LGSN: variants seen among roughly 807,000 people sequenced by gnomAD.
LGSN encodes the protein lengsin, lens protein with glutamine synthetase domain, also known as lengsin.
Under a neutral mutation model 19.5 loss-of-function variants are expected in LGSN, and 21 were observed. That is an observed-to-expected ratio of 1.07 (90% CI 0.76 to 1.55). LGSN has a LOEUF of 1.55. Ranked by LOEUF, LGSN falls within the 40% of genes most tolerant of loss-of-function variation. The pLI, the probability that LGSN is intolerant of heterozygous loss-of-function variation, is 0.00. For missense variants in LGSN, 673 were observed against 608.5 expected, an observed-to-expected ratio of 1.11 and a Z score of -1.12; for synonymous variants, 257 against 215.6, an observed-to-expected ratio of 1.19 and a Z score of -1.68.
the LGSN span, among the ~76,000 whole-genome samples, chr6:63,498,357 A>T: frequency 6.9e-6 from 1 of 145,778 alleles, no homozygotes; most frequent in Non-Finnish European, 1.5e-5. Context: ...TTTCAGTTTT[A>T]AAAAAACCTG....
the LGSN span, among the ~76,000 whole-genome samples, chr6:63,495,000 T>C: frequency 6.6e-6 from 1 of 152,192 alleles, no homozygotes; most frequent in South Asian, 2.1e-4. Context: ...ATGCATTTTA[T>C]GCCTTTGAGG....
chr6:63,346,325 A>G, the LGSN span, among the ~76,000 whole-genome samples: 1 of 151,954 alleles, frequency 6.6e-6, no homozygotes, highest in South Asian at 2.1e-4. Context: ...GAAAGAGGAG[A>G]AAAGCTGGAC....
At chr6:63,401,853 ACC>A in the LGSN span, among the ~76,000 whole-genome samples, 1 of 152,248 alleles carries the variant, frequency 6.6e-6, no homozygotes, top group South Asian at 2.1e-4. Flanking sequence ...CAGATGGCAT[ACC>A]CAAAGGTTTA....
At chr6:63,569,832 G>A in the LGSN span, among the ~76,000 whole-genome samples, 1 of 152,156 alleles carries the variant, frequency 6.6e-6, no homozygotes, top group East Asian at 1.9e-4. Context: ...GTCTGTTAGA[G>A]ACCCACTTTA....
At chr6:63,525,618 G>C in the LGSN span, among the ~76,000 whole-genome samples, 1 of 152,126 alleles carries the variant, frequency 6.6e-6, no homozygotes, top group Non-Finnish European at 1.5e-5. Context: ...GTGCCATCCA[G>C]GCAGCTTCCT....
At chr6:63,304,197 ACAGAACAT>A (rs1011855933) in intron 1 of LGSN, among the ~76,000 whole-genome samples, 1 of 152,250 alleles carries the variant, frequency 6.6e-6, no homozygotes, top group African/African-American at 2.4e-5. Flanking sequence ...TCAGTCAGAA[ACAGAACAT>A]CAGTCCACTT....
the LGSN span, among the ~76,000 whole-genome samples, chr6:63,446,017 G>A: frequency 6.6e-6 from 1 of 152,084 alleles, no homozygotes; most frequent in African/African-American, 2.4e-5. Context: ...GGAAGGCTGA[G>A]GCAGGCAGGT....
At chr6:63,359,999 C>T in the LGSN span, among the ~76,000 whole-genome samples, 5 of 152,220 alleles carry the variant, frequency 3.3e-5, no homozygotes. Flanking sequence ...CCCCCACTCT[C>T]TTCTGGATTG....
chr6:63,490,481 G>A, the LGSN span, among the ~76,000 whole-genome samples: 42 of 152,176 alleles, frequency 2.8e-4, no homozygotes, highest in African/African-American at 1.0e-3. Context: ...ACCAGAATTA[G>A]GAATTTTGCC....
the LGSN span, among the ~76,000 whole-genome samples, chr6:63,556,293 G>A: frequency 1.3e-5 from 2 of 151,992 alleles, no homozygotes; most frequent in Non-Finnish European, 2.9e-5. Context: ...AGAGTAGCTA[G>A]GAATACAGGT....
chr6:63,349,763 T>G, the LGSN span, among the ~76,000 whole-genome samples: 2 of 152,222 alleles, frequency 1.3e-5, no homozygotes, highest in Non-Finnish European at 2.9e-5. Flanking sequence ...CACAAATTTA[T>G]GATAGCACAG....
chr6:63,407,010 C>A, the LGSN span, among the ~76,000 whole-genome samples: 18 of 152,180 alleles, frequency 1.2e-4, no homozygotes, highest in Non-Finnish European at 2.4e-4. Flanking sequence ...AGACCAATAA[C>A]AGGCTCTGTA....
the LGSN span, among the ~76,000 whole-genome samples, chr6:63,480,986 T>TATAC: frequency 4.1e-4 from 18 of 44,076 alleles, no homozygotes; most frequent in Non-Finnish European, 5.0e-4. Flanking sequence ...TATATATATA[T>TATAC]ACACACACAC....
chr6:63,418,966 C>G, the LGSN span, among the ~76,000 whole-genome samples: 1 of 152,120 alleles, frequency 6.6e-6, no homozygotes, highest in East Asian at 1.9e-4. Flanking sequence ...AATGAAGCAA[C>G]CTTCCTTTCC....
Position 63,279,860 on chromosome 6 carries a change from A to C in LGSN, c.*161T>G. On this transcript the variant is annotated 3_prime_UTR_variant, in exon 4 of 4. Transcript: ENST00000370657. ...TTATCAGAATCTTCTCAGCAGTCCT[A>C]CTTCATCTGTCAAATATTCCATGGA... 1 of 647,124 alleles carries C rather than the reference A, an allele frequency of 1.5e-6. No individual in the cohort carries two copies. Among genetic ancestry groups the C allele is most frequent in the East Asian group, 2.7e-5 (1 of 36,430 alleles). 40.1% of individuals were successfully genotyped at this position (647,124 alleles called of 1,614,324 possible). A position where few individuals can be genotyped will look rare whatever the true frequency, so the allele number is the denominator to read the frequency against.
At chr6:63,542,189 G>A in the LGSN span, among the ~76,000 whole-genome samples, 322 of 152,130 alleles carry the variant, frequency 2.1e-3, 3 homozygotes, top group Admixed American at 5.5e-3. Flanking sequence ...ACCAAACATC[G>A]TATGTTCTCA....
the LGSN span, among the ~76,000 whole-genome samples, chr6:63,448,773 T>G: frequency 2.0e-5 from 3 of 152,078 alleles, no homozygotes; most frequent in Admixed American, 2.0e-4. Context: ...CTACCCCAAA[T>G]AGAGTCTGCC....
At chr6:63,344,179 T>C in the LGSN span, among the ~76,000 whole-genome samples, 3 of 152,200 alleles carry the variant, frequency 2.0e-5, no homozygotes, top group Admixed American at 1.3e-4. Context: ...AAATAGGTGT[T>C]GTCCCTAAAT....
chr6:63,566,634 T>C, the LGSN span, among the ~76,000 whole-genome samples: 1 of 152,232 alleles, frequency 6.6e-6, no homozygotes, highest in African/African-American at 2.4e-5. Context: ...TCATAATCTT[T>C]GCTGTTGGAG....
Sources: gnomAD v4.1 joint callset for allele counts (sites outside exome capture counted in the v4.1 genomes callset) on GRCh38, gnomAD v4.1.1 for gene constraint, MANE v1.5 for transcripts, NCBI Gene and HGNC (gene_info 2026-07-23, HGNC 2026-07-21) for gene names.